PPP2R2A: variants seen among roughly 807,000 people sequenced by gnomAD.
PPP2R2A encodes serine/threonine-protein phosphatase 2A 55 kDa regulatory subunit B alpha isoform.
In PPP2R2A, 9 loss-of-function variants were observed where a neutral mutation model predicts 53.2. The ratio of observed to expected loss-of-function variants is 0.17; its 90% CI spans 0.10 to 0.30. PPP2R2A has a LOEUF of 0.30. Ranked by LOEUF, PPP2R2A falls within the 10% of genes least tolerant of loss-of-function variation. PPP2R2A has a pLI of 1.00. For missense variants in PPP2R2A, 235 were observed against 534.6 expected, an observed-to-expected ratio of 0.44 and a Z score of 5.53; for synonymous variants, 169 against 174.2, an observed-to-expected ratio of 0.97 and a Z score of 0.23.
rs1805157561 is a variant in PPP2R2A, at chr8:26,362,461, C to T, written c.638-223C>T. Reference sequence around the variant, plus strand: ...CGGAGGCTGCAGTGAGCCGAGATTGCGCCACTGCACTCCAGCCTGGGTGAC... The same window carrying T: ...CGGAGGCTGCAGTGAGCCGAGATTGTGCCACTGCACTCCAGCCTGGGTGAC... On this transcript the variant is annotated intron_variant, in intron 6 of 9. Transcript: ENST00000380737. This position sits in a 1 kb window ranked among gnomAD's most constrained non-coding sequence, Gnocchi z 4.4. Among the ~76,000 whole-genome samples, 3 of 151,308 alleles carry T rather than the reference C, an allele frequency of 2.0e-5. No homozygotes were observed. Among genetic ancestry groups the T allele is most frequent in the African/African-American group, 4.9e-5 (2 of 41,130 alleles).
chr8:26,344,552 G>C (rs1804112450), intron 3 of PPP2R2A, among the ~76,000 whole-genome samples: 1 of 152,086 alleles, frequency 6.6e-6, no homozygotes, highest in Non-Finnish European at 1.5e-5. Context: ...GTGTTAGAGG[G>C]GAAAATGGAC....
intron 2 of PPP2R2A, among the ~76,000 whole-genome samples, chr8:26,305,987 A>G (rs1801997148): frequency 6.6e-6 from 1 of 152,174 alleles, no homozygotes; most frequent in African/African-American, 2.4e-5. Flanking sequence ...GTGAATGTTT[A>G]TGGTAGCCTA....
intron 2 of PPP2R2A, among the ~76,000 whole-genome samples, chr8:26,335,164 A>G (rs564221493): frequency 2.0e-5 from 3 of 152,164 alleles, no homozygotes; most frequent in African/African-American, 4.8e-5. Flanking sequence ...CGTGCTCCCT[A>G]TAACTCATTC....
intron 1 of PPP2R2A, chr8:26,292,390 A>G (rs980556947): frequency 2.0e-6 from 2 of 985,702 alleles, no homozygotes; most frequent in Non-Finnish European, 2.4e-6. Context: ...GTTTCGAACC[A>G]TTTCGTTTCC....
chr8:26,335,117 G>A (rs1239109206), intron 2 of PPP2R2A, among the ~76,000 whole-genome samples: 2 of 152,170 alleles, frequency 1.3e-5, no homozygotes, highest in Non-Finnish European at 2.9e-5. Flanking sequence ...TTGGCATGCC[G>A]GTATGCAGTG....
chr8:26,364,586 T>C (rs981103446), intron 8 of PPP2R2A, among the ~76,000 whole-genome samples: 4 of 152,242 alleles, frequency 2.6e-5, no homozygotes, highest in African/African-American at 7.2e-5. Flanking sequence ...ATACATATAC[T>C]TTCTTTATGT....
At chr8:26,334,001 T>C (rs903033872) in intron 2 of PPP2R2A, among the ~76,000 whole-genome samples, 1 of 145,086 alleles carries the variant, frequency 6.9e-6, no homozygotes, top group African/African-American at 2.7e-5. Flanking sequence ...TTAAGAACAT[T>C]ACATTACTTT....
chr8:26,312,493 A>AT (rs1802336069), intron 2 of PPP2R2A, among the ~76,000 whole-genome samples: 1 of 152,108 alleles, frequency 6.6e-6, no homozygotes, highest in Non-Finnish European at 1.5e-5. Flanking sequence ...TAGTAGCTTA[A>AT]TTTTTTTACT....
At chr8:26,359,377 G>C (rs902423147) in intron 4 of PPP2R2A, among the ~76,000 whole-genome samples, 5 of 152,164 alleles carry the variant, frequency 3.3e-5, no homozygotes, top group Admixed American at 6.5e-5. Flanking sequence ...CAAAGTCGAC[G>C]TCTTAGTTTT....
chr8:26,345,727 C>CT (rs1296842535), intron 3 of PPP2R2A, among the ~76,000 whole-genome samples: 4 of 151,954 alleles, frequency 2.6e-5, no homozygotes, highest in Non-Finnish European at 5.9e-5. Context: ...TTCCCTCTTT[C>CT]TAAAAAAAGA....
At chr8:26,293,434 A>G in intron 1 of PPP2R2A, 1 of 721,444 alleles carries the variant, frequency 1.4e-6, no homozygotes, top group Non-Finnish European at 2.2e-6. Flanking sequence ...ATGTTTAATG[A>G]CCACAGAACA....
At chr8:26,346,207 C>G (rs753919354) in intron 3 of PPP2R2A, among the ~76,000 whole-genome samples, 75 of 151,884 alleles carry the variant, frequency 4.9e-4, no homozygotes, top group Non-Finnish European at 1.0e-3. Flanking sequence ...GTGGCATGAT[C>G]TCAGCTCACT....
At chr8:26,291,913 G>C in intron 1 of PPP2R2A, 87 bp downstream of exon 1, 2 of 1,554,610 alleles carry the variant, frequency 1.3e-6, no homozygotes, top group Non-Finnish European at 1.7e-6. Flanking sequence ...CCCGCGCCTC[G>C]CGCAGAGCCA....
intron 2 of PPP2R2A, among the ~76,000 whole-genome samples, chr8:26,306,273 C>T (rs1041254194): frequency 2.6e-5 from 4 of 151,278 alleles, no homozygotes; most frequent in East Asian, 3.9e-4. Flanking sequence ...GTCAGGTGTT[C>T]GAGACCAGCC....
chr8:26,293,967 C>A (rs1285937258), intron 2 of PPP2R2A: 3 of 501,780 alleles, frequency 6.0e-6, no homozygotes, highest in Non-Finnish European at 1.1e-5. Context: ...ATGGAAGGAG[C>A]GGTAGATGAT....
chr8:26,319,103 T>C (rs909100565), intron 2 of PPP2R2A, among the ~76,000 whole-genome samples: 11 of 152,224 alleles, frequency 7.2e-5, no homozygotes, highest in Non-Finnish European at 1.5e-4. Context: ...ATTGGTGGAA[T>C]CCTACAGTAT....
intron 2 of PPP2R2A, among the ~76,000 whole-genome samples, chr8:26,294,680 C>T (rs1284446333): frequency 1.3e-5 from 2 of 152,090 alleles, no homozygotes; most frequent in African/African-American, 4.8e-5. Context: ...GTGTTGTCCT[C>T]ATATTTCTGA....
chr8:26,293,268 C>A, intron 1 of PPP2R2A: 1 of 1,535,216 alleles, frequency 6.5e-7, no homozygotes, highest in Non-Finnish European at 8.7e-7. Context: ...GTTTTCTCTT[C>A]GTTCTATGTT....
chr8:26,353,235 A>C (rs1354906449), intron 3 of PPP2R2A, among the ~76,000 whole-genome samples: 1 of 152,176 alleles, frequency 6.6e-6, no homozygotes, highest in Non-Finnish European at 1.5e-5. Flanking sequence ...CCCCTTGTGT[A>C]TCCCCGATAT....
Sources: allele counts gnomAD v4.1 joint callset (sites outside exome capture counted in the v4.1 genomes callset), GRCh38; gene constraint gnomAD v4.1.1; non-coding constraint Gnocchi (gnomAD v3.1); transcripts MANE v1.5; gene names NCBI Gene and HGNC (gene_info 2026-07-23, HGNC 2026-07-21).